The following UTRN variants were observed in gnomAD, a reference collection of about 807,000 sequenced individuals.
UTRN encodes the protein dystrophin-related protein 1.
In UTRN, 283 loss-of-function variants were observed where a neutral mutation model predicts 463.9. The ratio of observed to expected loss-of-function variants is 0.61; its 90% CI spans 0.55 to 0.67. The LOEUF (loss-of-function observed/expected upper bound fraction) is 0.67, where lower values mean the gene tolerates loss of function less well. UTRN is among the 30% of genes least tolerant of loss of function. UTRN has a pLI of 0.00. For missense variants in UTRN, 3,922 were observed against 4,084.3 expected (o/e 0.96, Z 1.08); for synonymous variants, 1,442 against 1,431.5 (o/e 1.01, Z -0.17).
chr6:144,686,780 A>G (rs1782806449), intron 52 of UTRN, among the ~76,000 whole-genome samples: 1 of 152,078 alleles, frequency 6.6e-6, no homozygotes. Flanking sequence ...ATCTATAAGA[A>G]TCCTTATGTG....
chr6:144,303,509 A>G (rs1805475634), intron 2 of UTRN, among the ~76,000 whole-genome samples: 1 of 152,216 alleles, frequency 6.6e-6, no homozygotes, highest in Non-Finnish European at 1.5e-5. Flanking sequence ...AACCGTTTAC[A>G]GTTACTTCTA....
intron 49 of UTRN, among the ~76,000 whole-genome samples, chr6:144,556,804 G>C (rs1196196175): frequency 6.6e-6 from 1 of 152,198 alleles, no homozygotes; most frequent in Non-Finnish European, 1.5e-5. Flanking sequence ...TGCAGGAACT[G>C]TCTCTGTATT....
intron 26 of UTRN, 106 bp downstream of exon 26, chr6:144,480,088 A>G (rs1791689679): frequency 2.3e-6 from 3 of 1,292,676 alleles, no homozygotes; most frequent in Non-Finnish European, 2.1e-6. Context: ...TGCATGTAGC[A>G]TCTTTCACAG....
chr6:144,330,395 T>C (rs1315868551), intron 2 of UTRN, among the ~76,000 whole-genome samples: 2 of 152,164 alleles, frequency 1.3e-5, no homozygotes, highest in Non-Finnish European at 2.9e-5. Flanking sequence ...AATGGATGGA[T>C]CCCTAAAAGC....
intron 2 of UTRN, among the ~76,000 whole-genome samples, chr6:144,376,715 A>G (rs1189801464): frequency 2.0e-5 from 3 of 152,148 alleles, no homozygotes; most frequent in African/African-American, 7.2e-5. Context: ...CTTAGAAAAA[A>G]ATAGTTTAGT....
chr6:144,660,183 G>T (rs1399111248), intron 51 of UTRN: 1 of 470,638 alleles, frequency 2.1e-6, no homozygotes, highest in Admixed American at 2.4e-5. Context: ...TTGTCTGAAG[G>T]AAGTTTGCCG....
chr6:144,459,402 A>G, intron 21 of UTRN, 48 bp downstream of exon 21: 1 of 1,527,080 alleles, frequency 6.5e-7, no homozygotes. Flanking sequence ...GCCTTAATGT[A>G]AACATGACTC....
chr6:144,587,939 A>G (rs938662080), intron 51 of UTRN, among the ~76,000 whole-genome samples: 5 of 152,112 alleles, frequency 3.3e-5, no homozygotes, highest in Admixed American at 6.6e-5. Context: ...AGTCTTGGTT[A>G]GATTAGTACA....
chr6:144,635,531 TTTTC>T (rs1300230144), intron 51 of UTRN, among the ~76,000 whole-genome samples: 3,514 of 45,386 alleles, frequency 0.077, 75 homozygotes, highest in Non-Finnish European at 0.1. Flanking sequence ...TTTTTTTTTC[TTTTC>T]TTTTTTTTTT....
Position 144,477,533 on chromosome 6 carries a change from T to TACACAC in UTRN, c.3337-2256_3337-2251dup, listed in dbSNP as rs10651559. ...TTCTCTCTCTCTGCCTTTCTCTTTA[T>TACACAC]ACACACACACACACACACACACACA... On this transcript the variant is annotated intron_variant, in intron 25 of 74. Transcript: ENST00000367545. Among the ~76,000 whole-genome samples the TACACAC allele has an allele frequency of 4.5e-3, 656 of 146,848 alleles. 11 individuals carry two copies. In the East Asian group the frequency reaches 0.055, roughly 12 times the overall value.
At chr6:144,664,954 GATA>G (rs1000373679) in intron 51 of UTRN, among the ~76,000 whole-genome samples, 2 of 151,994 alleles carry the variant, frequency 1.3e-5, no homozygotes, top group Non-Finnish European at 2.9e-5. Flanking sequence ...CTGAGCTCCT[GATA>G]ATAATTCTGA....
Position 144,479,829 on chromosome 6 carries a change from T to C in UTRN, c.3354T>C (p.Ser1118=). The change falls in exon 26 of 75, where the codon AGT becomes AGC. Residue 1118 remains serine, a synonymous_variant. Coordinates refer to ENST00000367545, the MANE Select transcript of UTRN (RefSeq NM_007124.3). ...KLSKEIATQK[S]RLSESQEKAA... ...CTTTGTAGATCGCTACTCAAAAAAG[T>C]AGGTTGTCTGAAAGTCAAGAAAAAG... 4 of 1,613,464 alleles carry C rather than the reference T, an allele frequency of 2.5e-6. No homozygotes were observed. The highest frequency in any genetic ancestry group is 3.4e-6 in the Non-Finnish European group (4 of 1,179,754).
intron 21 of UTRN, among the ~76,000 whole-genome samples, chr6:144,460,001 ATTTTT>A (rs11355493): frequency 7.5e-6 from 1 of 132,846 alleles, no homozygotes; most frequent in African/African-American, 2.8e-5. Context: ...ATTTTTAAAG[ATTTTT>A]TTTTTTTTTT....
chr6:144,589,543 T>G (rs138765319), intron 51 of UTRN, among the ~76,000 whole-genome samples: 3 of 152,158 alleles, frequency 2.0e-5, no homozygotes, highest in African/African-American at 7.2e-5. Flanking sequence ...TAATTTTAGA[T>G]AGAGAATTTT....
chr6:144,847,565 G>A (rs1322291372), intron 74 of UTRN, among the ~76,000 whole-genome samples: 2 of 152,166 alleles, frequency 1.3e-5, no homozygotes, highest in Non-Finnish European at 1.5e-5. Flanking sequence ...GGTATGCCTA[G>A]AGTAGAAGAA....
At chr6:144,486,740 G>A (rs980069435) in intron 28 of UTRN, among the ~76,000 whole-genome samples, 2 of 152,096 alleles carry the variant, frequency 1.3e-5, no homozygotes, top group African/African-American at 2.4e-5. Flanking sequence ...GGCTGGGCTC[G>A]AACTCCTGAC....
chr6:144,742,671 A>G (rs1790241730), intron 54 of UTRN, among the ~76,000 whole-genome samples: 1 of 152,204 alleles, frequency 6.6e-6, no homozygotes, highest in South Asian at 2.1e-4. Context: ...TCAAGAACCT[A>G]CTGTGTGCCA....
At chr6:144,722,173 C>T in intron 53 of UTRN, among the ~76,000 whole-genome samples, 1 of 152,184 alleles carries the variant, frequency 6.6e-6, no homozygotes, top group East Asian at 1.9e-4. Flanking sequence ...GAAGCAATCA[C>T]CCTCATTCTT....
chr6:144,819,476 C>T (rs1779369077), intron 65 of UTRN, among the ~76,000 whole-genome samples: 1 of 152,034 alleles, frequency 6.6e-6, no homozygotes, highest in African/African-American at 2.4e-5. Context: ...AGGTGAATCA[C>T]TTGAGGTCAG....
Sources: gnomAD v4.1 joint callset for allele counts (sites outside exome capture counted in the v4.1 genomes callset) on GRCh38, gnomAD v4.1.1 for gene constraint, MANE v1.5 for transcripts, NCBI Gene and HGNC (gene_info 2026-07-23, HGNC 2026-07-21) for gene names.